DCST2: variants seen among roughly 807,000 people sequenced by gnomAD.
DCST2 encodes the protein DC-STAMP domain-containing protein 2.
Under a neutral mutation model 81.8 loss-of-function variants are expected in DCST2, and 64 were observed. The ratio of observed to expected loss-of-function variants is 0.78; its 90% CI spans 0.64 to 0.96. The LOEUF is 0.96. Ranked by LOEUF, DCST2 falls within the 40% of genes least tolerant of loss-of-function variation. The pLI, the probability that DCST2 is intolerant of heterozygous loss-of-function variation, is 0.00. For synonymous variants in DCST2, 354 were observed against 402.6 expected (o/e 0.88, Z 1.44); for missense variants, 945 against 1,001.4 (o/e 0.94, Z 0.76).
intron 7 of DCST2, among the ~76,000 whole-genome samples, 181 bp downstream of exon 7, chr1:155,029,903 C>T (rs945421256): frequency 1.3e-5 from 2 of 152,352 alleles, no homozygotes; most frequent in African/African-American, 2.4e-5. Context: ...CCCCAAGGAC[C>T]GGGCAGTGTC....
intron 5 of DCST2, chr1:155,030,915 T>A: frequency 1.7e-6 from 1 of 605,294 alleles, no homozygotes. Context: ...TGGACCTGAA[T>A]GTGGACAGGA....
chr1:155,024,339 G>T (rs112745976), intron 11 of DCST2, 133 bp downstream of exon 11: 2 of 1,270,192 alleles, frequency 1.6e-6, no homozygotes, highest in Non-Finnish European at 2.1e-6. Context: ...CTTTCACAGC[G>T]TTAAGGGTAT....
intron 4 of DCST2, 36 bp downstream of exon 4, chr1:155,031,538 C>T (rs770968351): frequency 6.2e-6 from 4 of 645,112 alleles, no homozygotes; most frequent in East Asian, 5.5e-5. Flanking sequence ...CACCCCACAT[C>T]GGCTCCTCCC....
chr1:155,033,060 C>T, intron 2 of DCST2, 34 bp downstream of exon 2: 10 of 1,508,828 alleles, frequency 6.6e-6, no homozygotes, highest in Non-Finnish European at 8.9e-6. Flanking sequence ...CGAGGGGGGC[C>T]CGTGGGAGAC....
At chr1:155,026,838 G>A in intron 8 of DCST2, 123 bp from the exon 9 acceptor site, 1 of 1,189,760 alleles carries the variant, frequency 8.4e-7, no homozygotes, top group Non-Finnish European at 1.2e-6. Flanking sequence ...CTTGGCTGGG[G>A]GCCTCTGATG....
chr1:155,030,588 G>A lies in DCST2; in HGVS notation c.863C>T (p.Thr288Ile), dbSNP rs764884039. 1.2e-6 allele frequency: 2 copies of A among 1,614,138 alleles called. No individual in the cohort carries two copies. The highest frequency in any genetic ancestry group is 1.7e-5 in the Admixed American group (1 of 60,024). Residue 288 changes from threonine to isoleucine, a missense_variant, in exon 6 of 15, where the codon ACC (threonine) becomes ATC (isoleucine). Thr to Ile is a moderately conservative substitution (Grantham distance 89, BLOSUM62 -1). Transcript: ENST00000368424. ...RQEFEFNMTATHHFSVDLNAS... is the reference protein window; with the variant it reads ...RQEFEFNMTAIHHFSVDLNAS... The stretch of plus-strand genomic sequence containing the variant: ...ATTGAGATCCACAGAGAAGTGGTGG[G>A]TGGCTGTCATGTTGAACTCAAACTC...
At chr1:155,031,395 C>A (rs1660072290) in intron 4 of DCST2, among the ~76,000 whole-genome samples, 161 bp from the exon 5 acceptor site, 1 of 152,022 alleles carries the variant, frequency 6.6e-6, no homozygotes, top group Non-Finnish European at 1.5e-5. Flanking sequence ...TCTCTCCCAA[C>A]ACCAGTCCCT....
chr1:155,031,571 C>A lies in DCST2; in HGVS notation c.739+3G>T. On this transcript the variant is annotated splice_donor_region_variant and intron_variant, in intron 4 of 14. Transcript: ENST00000368424. ...CCCCGCTGGCAGACCCTGGTTTTCT[C>A]ACGGCTGGCAAGTCCACAGAGCGCC... 1 of 1,361,970 alleles carries A rather than the reference C, an allele frequency of 7.3e-7. No individual in the cohort carries two copies. The highest frequency in any genetic ancestry group is 1.1e-5 in the South Asian group (1 of 87,714). 84.4% of individuals were successfully genotyped at this position (1,361,970 alleles called of 1,614,324 possible). A position where few individuals can be genotyped will look rare whatever the true frequency, so the allele number is the denominator to read the frequency against.
At chr1:155,020,432 C>T (rs1659718979) in intron 14 of DCST2, among the ~76,000 whole-genome samples, 1 of 152,196 alleles carries the variant, frequency 6.6e-6, no homozygotes, top group South Asian at 2.1e-4. Flanking sequence ...TGCAGTGGCA[C>T]GATCTCGGCT....
chr1:155,018,832 C>G (rs1659657418), intron 14 of DCST2, 72 bp from the exon 15 acceptor site: 6 of 1,449,926 alleles, frequency 4.1e-6, no homozygotes, highest in Non-Finnish European at 5.7e-6. Context: ...TGCCCCCTGC[C>G]CTGCCCCATC....
At chr1:155,022,417 A>C (rs979576551) in intron 14 of DCST2, among the ~76,000 whole-genome samples, 2 of 151,966 alleles carry the variant, frequency 1.3e-5, no homozygotes, top group Non-Finnish European at 2.9e-5. Context: ...CAAACCACCA[A>C]GTTGCCCCCA....
chr1:155,026,501 C>T (rs369182906), intron 9 of DCST2, 47 bp downstream of exon 9: 262 of 1,612,778 alleles, frequency 1.6e-4, no homozygotes, highest in Non-Finnish European at 2.1e-4. Flanking sequence ...CCCCTCATTT[C>T]CCACATGGTG....
In DCST2 at chr1:155,026,604, G is replaced by T. The variant is rs1175683346; in HGVS notation, c.1454C>A (p.Ser485Tyr). The T allele has an allele frequency of 6.2e-7, 1 of 1,614,200 alleles. No homozygotes were observed. Among genetic ancestry groups the T allele is most frequent in the Admixed American group, 1.7e-5 (1 of 60,028 alleles). ...VLQQGNISIL[S>Y]RRCLLRPSEP... ...CGAGGGACGAAGGAGACAACGCCGG[G>T]ACAAAATACTGATGTTGCCTTGCTG... Residue 485 changes from serine (S) to tyrosine (Y), a missense_variant, in exon 9 of 15, where the codon TCC becomes TAC. By Grantham distance (144) the Ser-to-Tyr change is moderately radical. Transcript: ENST00000368424.
intron 8 of DCST2, among the ~76,000 whole-genome samples, chr1:155,027,901 C>A (rs1659957765): frequency 6.6e-6 from 1 of 150,564 alleles, no homozygotes; most frequent in Non-Finnish European, 1.5e-5. Context: ...ACTCGACACA[C>A]ATAATTTATT....
chr1:155,029,523 A>G, intron 7 of DCST2, 126 bp from the exon 8 acceptor site: 1 of 944,942 alleles, frequency 1.1e-6, no homozygotes, highest in South Asian at 1.7e-5. Context: ...AATACGGAAA[A>G]GAAAAGAAGC....
chr1:155,029,993 T>A, intron 7 of DCST2, 91 bp downstream of exon 7: 1 of 1,562,266 alleles, frequency 6.4e-7, no homozygotes, highest in Non-Finnish European at 8.7e-7. Flanking sequence ...TCCTGAGCCC[T>A]GCCTGTGCAG....
intron 3 of DCST2, among the ~76,000 whole-genome samples, 195 bp downstream of exon 3, chr1:155,032,468 TTTTA>T (rs952570985): frequency 1.1e-4 from 16 of 151,952 alleles, no homozygotes; most frequent in African/African-American, 1.7e-4. Context: ...ATCTGGCTAG[TTTTA>T]TTTATTTTCT....
rs1404102630 is a variant in DCST2 at position 155,018,697 on chromosome 1, G to A, written c.2169C>T (p.Ala723=). ...TGGTGAGAATGCTGACAGGCTGATG[G>A]GCTTCAGGTAAGGGCTGCTGCCCGT... ...RKHGQQPLPE[A]HQPVSILTSP... The change falls in exon 15 of 15, where the codon GCC becomes GCT. Residue 723 remains alanine (A), a synonymous_variant. Coordinates refer to ENST00000368424, the MANE Select transcript of DCST2 (RefSeq NM_144622.3). 3 of 1,613,942 alleles carry A rather than the reference G, an allele frequency of 1.9e-6. No individual in the cohort carries two copies. Among genetic ancestry groups the A allele is most frequent in the South Asian group, 2.2e-5 (2 of 91,074 alleles).
intron 8 of DCST2, among the ~76,000 whole-genome samples, chr1:155,027,894 C>T (rs60674412): frequency 0.42 from 63,440 of 150,662 alleles, 14,285 homozygotes; most frequent in East Asian, 0.87. Flanking sequence ...ACCAGGCACT[C>T]GACACACATA....
Sources: gnomAD v4.1 joint callset for allele counts (sites outside exome capture counted in the v4.1 genomes callset) on GRCh38, gnomAD v4.1.1 for gene constraint, MANE v1.5 for transcripts, NCBI Gene and HGNC (gene_info 2026-07-23, HGNC 2026-07-21) for gene names.